The following CLIC5 variants were observed in gnomAD, a reference collection of about 807,000 sequenced individuals.
CLIC5 encodes the protein CLIC family member 5.
Under a neutral mutation model 24.7 loss-of-function variants are expected in CLIC5, and 20 were observed. The ratio of observed to expected loss-of-function variants is 0.81; its 90% CI spans 0.57 to 1.18. The LOEUF is 1.18. CLIC5 is among the 50% of genes most tolerant of loss of function. The pLI, the probability that CLIC5 is intolerant of heterozygous loss-of-function variation, is 0.00. For synonymous variants in CLIC5, 159 were observed against 135.6 expected (o/e 1.17, Z -1.20); for missense variants, 341 against 326.1 (o/e 1.05, Z -0.35).
upstream of CLIC5, among the ~76,000 whole-genome samples, chr6:46,084,600 C>T (rs1295681345): frequency 6.6e-6 from 1 of 152,174 alleles, no homozygotes; most frequent in African/African-American, 2.4e-5. Context: ...TGAATATTGG[C>T]CCCCACTCTC....
At chr6:45,963,255 A>G (rs1258134040) in intron 1 of CLIC5, among the ~76,000 whole-genome samples, 1 of 151,978 alleles carries the variant, frequency 6.6e-6, no homozygotes, top group African/African-American at 2.4e-5. Flanking sequence ...TTTCTTCTTA[A>G]AGCTCAGCCA....
intron 1 of CLIC5, among the ~76,000 whole-genome samples, chr6:45,999,149 T>C (rs1315408502): frequency 2.0e-5 from 3 of 152,188 alleles, no homozygotes; most frequent in African/African-American, 7.2e-5. Flanking sequence ...AATCAACTTT[T>C]AGAGCTGAAA....
chr6:46,036,420 C>T (rs1422630132), intron 1 of CLIC5, among the ~76,000 whole-genome samples: 1 of 151,308 alleles, frequency 6.6e-6, no homozygotes, highest in Admixed American at 6.6e-5. Flanking sequence ...ACACCATTCT[C>T]CTGCCTCAGC....
chr6:45,915,760 T>A (rs1561928866), intron 4 of CLIC5, among the ~76,000 whole-genome samples: 1 of 152,202 alleles, frequency 6.6e-6, no homozygotes, highest in African/African-American at 2.4e-5. Flanking sequence ...TGGGAAGCCA[T>A]CATCACTGAA....
At chr6:45,921,006 T>A (rs1322705206) in intron 4 of CLIC5, among the ~76,000 whole-genome samples, 1 of 152,168 alleles carries the variant, frequency 6.6e-6, no homozygotes, top group Non-Finnish European at 1.5e-5. Context: ...GTCATGTAGC[T>A]TTTTTCTCAG....
At chr6:46,044,772 A>G (rs1657168136) in intron 1 of CLIC5, among the ~76,000 whole-genome samples, 1 of 152,230 alleles carries the variant, frequency 6.6e-6, no homozygotes, top group South Asian at 2.1e-4. Context: ...TAGGATTATA[A>G]CACAATTAAT....
chr6:46,088,625 G>T, the CLIC5 span, among the ~76,000 whole-genome samples: 2 of 152,106 alleles, frequency 1.3e-5, no homozygotes, highest in African/African-American at 4.8e-5. Flanking sequence ...TTTTAAAATT[G>T]AAATCATGTA....
intron 1 of CLIC5, among the ~76,000 whole-genome samples, chr6:45,989,301 G>A (rs866736298): frequency 6.6e-6 from 1 of 152,088 alleles, no homozygotes; most frequent in African/African-American, 2.4e-5. Context: ...CTGACAATTA[G>A]CCTCAGCATC....
chr6:45,941,726 A>G (rs1764139308), intron 3 of CLIC5, 73 bp from the exon 4 acceptor site: 2 of 1,079,244 alleles, frequency 1.9e-6, no homozygotes, highest in African/African-American at 3.1e-5. Flanking sequence ...TATCCCTATC[A>G]TGATAAGCAA....
intron 1 of CLIC5, among the ~76,000 whole-genome samples, chr6:46,000,175 A>C (rs1201845225): frequency 6.6e-6 from 1 of 152,200 alleles, no homozygotes; most frequent in African/African-American, 2.4e-5. Flanking sequence ...GCTTCCCATC[A>C]GTAGTAGGCT....
chr6:45,982,784 G>A (rs1765610717), intron 1 of CLIC5, among the ~76,000 whole-genome samples: 2 of 152,182 alleles, frequency 1.3e-5, no homozygotes, highest in African/African-American at 2.4e-5. Flanking sequence ...GTCTCAGATT[G>A]CATGGCTGCA....
intron 1 of CLIC5, among the ~76,000 whole-genome samples, chr6:45,972,121 T>C (rs943011723): frequency 6.6e-6 from 1 of 152,200 alleles, no homozygotes; most frequent in Non-Finnish European, 1.5e-5. Context: ...TTAACATAAG[T>C]AGAGTATGGG....
At chr6:46,021,197 G>A (rs760378350) in intron 1 of CLIC5, among the ~76,000 whole-genome samples, 4 of 151,400 alleles carry the variant, frequency 2.6e-5, no homozygotes, top group Non-Finnish European at 2.9e-5. Flanking sequence ...TATGCTCAAC[G>A]TTCTTCAGTA....
intron 4 of CLIC5, among the ~76,000 whole-genome samples, chr6:45,914,890 G>C (rs1762966233): frequency 1.3e-5 from 2 of 151,940 alleles, no homozygotes; most frequent in African/African-American, 4.8e-5. Context: ...GGCAGAGGTT[G>C]CAGTAAGTGA....
chr6:46,009,531 C>G (rs914609985), intron 1 of CLIC5, among the ~76,000 whole-genome samples: 1 of 152,146 alleles, frequency 6.6e-6, no homozygotes, highest in Non-Finnish European at 1.5e-5. Flanking sequence ...TTTACTATCT[C>G]TAGTTCCTCC....
At position 45,965,802 on chromosome 6, in the gene CLIC5, TA is replaced by T. The variant is rs374187417; in HGVS notation, c.64-10559del. 2.8e-3 allele frequency among the ~76,000 whole-genome samples: 430 copies of T among 152,342 alleles called. 5 individuals are homozygous for T. The highest frequency in any genetic ancestry group is 9.9e-3 in the African/African-American group (413 of 41,576). On this transcript the variant is annotated intron_variant, in intron 1 of 5. Coordinates refer to ENST00000339561, the MANE Select transcript of CLIC5 (RefSeq NM_016929.5). Reference sequence around the variant, plus strand: ...TGCTTTCCTCTCTTGACATTTTTCTTATTTGTTATCCAAGATGCTATGGAAA... The same window carrying T: ...TGCTTTCCTCTCTTGACATTTTTCTTTTTGTTATCCAAGATGCTATGGAAA...
upstream of CLIC5, among the ~76,000 whole-genome samples, chr6:46,084,411 G>A (rs1415644202): frequency 6.6e-6 from 1 of 152,158 alleles, no homozygotes; most frequent in African/African-American, 2.4e-5. Flanking sequence ...GTGGCTGGTA[G>A]CAGTTGTTCC....
intron 1 of CLIC5, among the ~76,000 whole-genome samples, chr6:45,987,952 C>T (rs1765800001): frequency 6.6e-6 from 1 of 152,190 alleles, no homozygotes; most frequent in Non-Finnish European, 1.5e-5. Flanking sequence ...AAGTTCATGG[C>T]CTTCTCACAT....
intron 1 of CLIC5, among the ~76,000 whole-genome samples, chr6:46,021,827 C>T (rs1767193137): frequency 6.6e-6 from 1 of 152,226 alleles, no homozygotes; most frequent in Non-Finnish European, 1.5e-5. Flanking sequence ...GCTGATAGAA[C>T]TACTTTGCAT....
Sources: allele counts gnomAD v4.1 joint callset (sites outside exome capture counted in the v4.1 genomes callset), GRCh38; gene constraint gnomAD v4.1.1; transcripts MANE v1.5; gene names NCBI Gene and HGNC (gene_info 2026-07-23, HGNC 2026-07-21).